BTNL8: variants seen among roughly 807,000 people sequenced by gnomAD.
The protein encoded by BTNL8 is butyrophilin-like protein 8.
A neutral mutation model predicts 36.1 loss-of-function variants in BTNL8; 22 were observed. That is an observed-to-expected ratio of 0.61 (90% CI 0.44 to 0.87). The LOEUF (loss-of-function observed/expected upper bound fraction) is 0.87. Among genes scored for constraint, BTNL8 ranks in the 40% least tolerant of loss-of-function variants. The probability of loss-of-function intolerance (pLI) is 0.00; values close to 1 mark genes in which losing one functional copy is unlikely to be tolerated. For missense variants in BTNL8, 526 were observed against 616.9 expected, an observed-to-expected ratio of 0.85 and a Z score of 1.56; for synonymous variants, 203 against 235.6, an observed-to-expected ratio of 0.86 and a Z score of 1.27.
chr5:180,915,452 C>G (rs1262057109), intron 3 of BTNL8, among the ~76,000 whole-genome samples: 1 of 152,216 alleles, frequency 6.6e-6, no homozygotes, highest in East Asian at 1.9e-4. Context: ...CAGCAGCCAG[C>G]CTGCTTTGCA....
chr5:180,943,873 A>G (rs1054278912), intron 3 of BTNL8, among the ~76,000 whole-genome samples: 2 of 152,258 alleles, frequency 1.3e-5, no homozygotes, highest in African/African-American at 4.8e-5. Flanking sequence ...AGCAAATATG[A>G]TGTATATACA....
chr5:180,924,327 G>A (rs1757999379), intron 3 of BTNL8, among the ~76,000 whole-genome samples: 1 of 152,152 alleles, frequency 6.6e-6, no homozygotes, highest in East Asian at 1.9e-4. Context: ...CACATCTGTG[G>A]AGCATAGCCT....
chr5:180,925,279 A>G (rs1758044602), intron 3 of BTNL8, among the ~76,000 whole-genome samples: 1 of 152,220 alleles, frequency 6.6e-6, no homozygotes, highest in Admixed American at 6.5e-5. Context: ...GTGAAACACA[A>G]AAATATCCAG....
At chr5:180,914,020 A>T (rs1404720848) in intron 3 of BTNL8, among the ~76,000 whole-genome samples, 1 of 152,200 alleles carries the variant, frequency 6.6e-6, no homozygotes, top group African/African-American at 2.4e-5. Context: ...ATTAACTCTC[A>T]TCAGGCTCAA....
chr5:180,912,989 C>T (rs1437404984), intron 3 of BTNL8, among the ~76,000 whole-genome samples: 3 of 152,094 alleles, frequency 2.0e-5, no homozygotes, highest in Non-Finnish European at 4.4e-5. Flanking sequence ...GAAAGAGACC[C>T]TTATTTTCTG....
intron 3 of BTNL8, among the ~76,000 whole-genome samples, chr5:180,936,668 G>A (rs181690064): frequency 3.2e-4 from 48 of 152,282 alleles, no homozygotes; most frequent in African/African-American, 1.1e-3. Flanking sequence ...CAGAGCTGCC[G>A]CTTGCCGTAG....
chr5:180,901,526 C>T (rs971266167), intron 1 of BTNL8, among the ~76,000 whole-genome samples: 7 of 152,092 alleles, frequency 4.6e-5, no homozygotes, highest in African/African-American at 9.7e-5. Flanking sequence ...TGGGGCTCAC[C>T]GTTCACATGC....
At chr5:180,942,100 C>G (rs1251428815) in intron 3 of BTNL8, among the ~76,000 whole-genome samples, 1 of 151,910 alleles carries the variant, frequency 6.6e-6, no homozygotes, top group Non-Finnish European at 1.5e-5. Flanking sequence ...AGTAATGTTG[C>G]AGGATACAAA....
chr5:180,918,040 A>AG (rs1171792684), intron 3 of BTNL8, among the ~76,000 whole-genome samples: 3 of 151,538 alleles, frequency 2.0e-5, no homozygotes, highest in Non-Finnish European at 4.4e-5. Flanking sequence ...AAAAAAAAAA[A>AG]AAAGAAATAA....
At chr5:180,909,171 C>G (rs1225995205) in intron 2 of BTNL8, among the ~76,000 whole-genome samples, 1 of 152,174 alleles carries the variant, frequency 6.6e-6, no homozygotes, top group African/African-American at 2.4e-5. Context: ...AGATCTCCCT[C>G]TGTCACCCCT....
chr5:180,940,975 C>A (rs944882577), intron 3 of BTNL8, among the ~76,000 whole-genome samples: 8 of 151,862 alleles, frequency 5.3e-5, no homozygotes, highest in Non-Finnish European at 2.9e-5. Context: ...CACCTGTAGC[C>A]CCAACTACTC....
chr5:180,922,839 G>C (rs568498184), intron 3 of BTNL8, among the ~76,000 whole-genome samples: 11 of 151,970 alleles, frequency 7.2e-5, no homozygotes, highest in Admixed American at 3.3e-4. Flanking sequence ...CTCTTTGAAG[G>C]TCTCCAAGAA....
chr5:180,913,212 G>A (rs1367739628), intron 3 of BTNL8, among the ~76,000 whole-genome samples: 1 of 152,166 alleles, frequency 6.6e-6, no homozygotes, highest in South Asian at 2.1e-4. Context: ...ATGAGTCTTT[G>A]CCAGTGAAAG....
intron 3 of BTNL8, among the ~76,000 whole-genome samples, chr5:180,947,305 T>G (rs1239711119): frequency 1.3e-5 from 2 of 152,234 alleles, no homozygotes; most frequent in African/African-American, 2.4e-5. Flanking sequence ...CAATAAATGT[T>G]GGCACAGTCG....
At chr5:180,922,825 A>G (rs1757930045) in intron 3 of BTNL8, among the ~76,000 whole-genome samples, 1 of 151,974 alleles carries the variant, frequency 6.6e-6, no homozygotes, top group Non-Finnish European at 1.5e-5. Flanking sequence ...GTGGAAGTCT[A>G]AATCTCTTTG....
At chr5:180,939,767 T>G (rs1450936434) in intron 3 of BTNL8, among the ~76,000 whole-genome samples, 1 of 152,216 alleles carries the variant, frequency 6.6e-6, no homozygotes, top group African/African-American at 2.4e-5. Context: ...CATAACATTT[T>G]ATCCACAAGC....
In BTNL8 at chr5:180,936,071, G is replaced by A. The variant is rs189487378; in HGVS notation, c.674-11441G>A. Among the ~76,000 whole-genome samples, 611 of 152,066 alleles carry A rather than the reference G, an allele frequency of 4.0e-3. 2 individuals carry two copies. Among genetic ancestry groups the A allele is most frequent in the Non-Finnish European group, 5.8e-3 (396 of 67,988 alleles). On this transcript the variant is annotated intron_variant, in intron 3 of 7. Transcript: ENST00000340184. The stretch of plus-strand genomic sequence containing the variant: ...CTACAGGCACACACCACCATACCCA[G>A]CTAATTTTGTTGTATTTTTAGGAGA...
chr5:180,908,466 A>G lies in BTNL8; in HGVS notation c.50-120A>G, dbSNP rs1438365244. 8.6e-6 allele frequency: 8 copies of G among 932,212 alleles called. No homozygotes were observed. In the East Asian group the frequency reaches 1.1e-4, roughly 12 times the overall value. 57.7% of individuals were successfully genotyped at this position (932,212 alleles called of 1,614,324 possible). ...TCAGATGGAAATGCAGAAATCACCCATGTTCTGCGTCGCTCACTCTGGGAG... is the reference window on the plus strand; with the variant it reads ...TCAGATGGAAATGCAGAAATCACCCGTGTTCTGCGTCGCTCACTCTGGGAG... On this transcript the variant is annotated intron_variant, in intron 1 of 7. Coordinates refer to ENST00000340184, the MANE Select transcript of BTNL8 (RefSeq NM_001040462.3).
chr5:180,928,809 T>G (rs746018905), intron 3 of BTNL8, among the ~76,000 whole-genome samples: 2 of 152,224 alleles, frequency 1.3e-5, no homozygotes, highest in Admixed American at 6.5e-5. Flanking sequence ...CCCAGATTCA[T>G]AAAGCAAGTT....
Sources: allele counts gnomAD v4.1 joint callset (sites outside exome capture counted in the v4.1 genomes callset), GRCh38; gene constraint gnomAD v4.1.1; transcripts MANE v1.5; gene names NCBI Gene and HGNC (gene_info 2026-07-23, HGNC 2026-07-21).